The following IL4R variants were observed in gnomAD, a reference collection of about 807,000 sequenced individuals.
IL4R encodes the protein interleukin 4 receptor.
Under a neutral mutation model 41.5 loss-of-function variants are expected in IL4R, and 17 were observed. That is an observed-to-expected ratio of 0.41 (90% CI 0.28 to 0.61). The LOEUF (loss-of-function observed/expected upper bound fraction) is 0.61, where lower values mean the gene tolerates loss of function less well. Ranked by LOEUF, IL4R falls within the 20% of genes least tolerant of loss-of-function variation. The pLI is 0.31. For synonymous variants in IL4R, 402 were observed against 422.9 expected (o/e 0.95, Z 0.61); for missense variants, 974 against 1,043.1 (o/e 0.93, Z 0.91).
At position 27,346,475 on chromosome 16, in the gene IL4R, A is replaced by G. The variant is rs1298315319; in HGVS notation, c.370A>G (p.Arg124Gly). The change falls in exon 6 of 11, where the codon AGG (arginine) becomes GGG (glycine). Residue 124 changes from arginine (R) to glycine (G), a missense_variant. By Grantham distance (125) the Arg-to-Gly change is moderately radical (BLOSUM62 -2). This residue lies in a region of IL4R where 284 missense variants were observed against 313.4 expected (regional missense o/e 0.91). Transcript: ENST00000395762. ...GGCCGCTTCTCCCGCAGTGAAACCC[A>G]GGGCCCCAGGAAACCTGACAGTTCA... ...SFKPSEHVKP[R>G]APGNLTVHTN... The G allele has an allele frequency of 3.1e-6, 5 of 1,614,126 alleles. No homozygotes were observed. In the African/African-American group the frequency reaches 5.3e-5, roughly 17 times the overall value.
upstream of IL4R, chr16:27,313,838 G>C (rs2084540210): frequency 1.2e-6 from 1 of 845,872 alleles, no homozygotes; most frequent in Non-Finnish European, 1.4e-6. Context: ...CCCGGGCCGG[G>C]CGCGCCGGGC....
At position 27,363,407 on chromosome 16, in the gene IL4R, G is replaced by T; in HGVS notation, c.2055G>T (p.Lys685Asn). Residue 685 changes from lysine (K) to asparagine (N), a missense_variant, in exon 11 of 11, where the codon AAG (lysine) becomes AAT (asparagine). Physicochemically the swap from Lys to Asn is moderately conservative, Grantham distance 94 (BLOSUM62 0). Coordinates refer to ENST00000395762, the MANE Select transcript of IL4R (RefSeq NM_000418.4). ...PEHLGLEPGE[K>N]VEDMPKPPLP... Reference sequence around the variant, plus strand: ...ACCTGGGTCTGGAGCCGGGGGAAAAGGTAGAGGACATGCCAAAGCCCCCAC... The same window carrying T: ...ACCTGGGTCTGGAGCCGGGGGAAAATGTAGAGGACATGCCAAAGCCCCCAC... The T allele has an allele frequency of 6.2e-7, 1 of 1,614,158 alleles. No homozygotes were observed. Among genetic ancestry groups the T allele is most frequent in the Non-Finnish European group, 8.5e-7 (1 of 1,180,022 alleles).
At chr16:27,316,859 A>G (rs556480477) in intron 1 of IL4R, among the ~76,000 whole-genome samples, 1 of 152,288 alleles carries the variant, frequency 6.6e-6, no homozygotes, top group South Asian at 2.1e-4. Flanking sequence ...AGCATACAAA[A>G]CAGTACCTGG....
chr16:27,339,264 G>A (rs548507850), intron 2 of IL4R, among the ~76,000 whole-genome samples: 40 of 152,220 alleles, frequency 2.6e-4, no homozygotes, highest in Admixed American at 1.6e-3. Context: ...CCACCTTCCC[G>A]AGTAGCTGGG....
At chr16:27,346,795 C>T (rs1372558095) in intron 6 of IL4R, among the ~76,000 whole-genome samples, 177 bp downstream of exon 6, 1 of 152,174 alleles carries the variant, frequency 6.6e-6, no homozygotes, top group Non-Finnish European at 1.5e-5. Flanking sequence ...AGTCCCTTTG[C>T]TTCCTGGCCC....
intron 6 of IL4R, 75 bp downstream of exon 6, chr16:27,346,693 T>G: frequency 6.6e-7 from 1 of 1,516,062 alleles, no homozygotes; most frequent in Non-Finnish European, 9.1e-7. Context: ...GCCCAGTCCC[T>G]GGAGCCAGGA....
Position 27,352,422 on chromosome 16 carries a change from A to G in IL4R, c.514-118A>G, listed in dbSNP as rs376534983. 3.5e-5 allele frequency: 28 copies of G among 793,138 alleles called. 1 individual carries two copies. The highest frequency in any genetic ancestry group is 2.2e-4 in the African/African-American group (13 of 58,572). 49.1% of individuals were successfully genotyped at this position (793,138 alleles called of 1,614,324 possible). A position where few individuals can be genotyped will look rare whatever the true frequency, so the allele number is the denominator to read the frequency against. On this transcript the variant is annotated intron_variant, in intron 6 of 10. Transcript: ENST00000395762. ...AATGGCCTGAACAGGACGAACAACC[A>G]AATACCCAGGCTGGTGGCTCTTAAA...
At chr16:27,346,264 T>G (rs1260995074) in intron 5 of IL4R, among the ~76,000 whole-genome samples, 1 of 152,150 alleles carries the variant, frequency 6.6e-6, no homozygotes, top group East Asian at 1.9e-4. Flanking sequence ...AACACTAAAG[T>G]TCTATGTAGA....
intron 3 of IL4R, 93 bp from the exon 4 acceptor site, chr16:27,342,028 C>T (rs2085457416): frequency 9.0e-6 from 13 of 1,451,118 alleles, no homozygotes; most frequent in Non-Finnish European, 1.2e-5. Flanking sequence ...CTGCACTGTG[C>T]TTTTGTGCTA....
chr16:27,341,731 C>T (rs1018874213), intron 3 of IL4R, among the ~76,000 whole-genome samples: 13 of 152,256 alleles, frequency 8.5e-5, no homozygotes, highest in South Asian at 2.1e-4. Flanking sequence ...CAAAGAGGGG[C>T]GCAGATAGTG....
intron 8 of IL4R, among the ~76,000 whole-genome samples, chr16:27,357,227 C>T (rs560738444): frequency 2.1e-4 from 32 of 152,266 alleles, no homozygotes; most frequent in African/African-American, 7.7e-4. Context: ...TCCCACTCCC[C>T]ATCACTATAT....
At chr16:27,347,802 G>C (rs1358397329) in intron 6 of IL4R, among the ~76,000 whole-genome samples, 1 of 152,222 alleles carries the variant, frequency 6.6e-6, no homozygotes, top group Non-Finnish European at 1.5e-5. Context: ...TAACCTCTTT[G>C]TGCCTCAGTT....
In IL4R at chr16:27,344,783, C is replaced by T. The variant is rs567712475; in HGVS notation, c.210-86C>T. 2.4e-4 allele frequency: 315 copies of T among 1,315,750 alleles called. 4 individuals are homozygous for T. The highest frequency in any genetic ancestry group is 1.8e-3 in the South Asian group (138 of 77,192). 81.5% of individuals were successfully genotyped at this position (1,315,750 alleles called of 1,614,324 possible). A position where few individuals can be genotyped will look rare whatever the true frequency, so the allele number is the denominator to read the frequency against. ...ATCGGGAAGCTGGAAGAGTCTGATG[C>T]GGTTCCTGGAGGCATGTCCCGGACA... On this transcript the variant is annotated intron_variant, in intron 4 of 10. Coordinates refer to ENST00000395762, the MANE Select transcript of IL4R (RefSeq NM_000418.4).
chr16:27,343,171 A>T (rs2085499400), intron 4 of IL4R, among the ~76,000 whole-genome samples: 1 of 152,208 alleles, frequency 6.6e-6, no homozygotes, highest in African/African-American at 2.4e-5. Flanking sequence ...ACACACAGTT[A>T]CGGGGCAGAC....
At position 27,364,069 on chromosome 16, in the gene IL4R, G is replaced by A. The variant is rs779420729; in HGVS notation, c.*239G>A. The A allele has an allele frequency of 2.6e-5, 13 of 499,554 alleles. No individual in the cohort carries two copies. Among genetic ancestry groups the A allele is most frequent in the African/African-American group, 7.8e-5 (4 of 51,554 alleles). 30.9% of individuals were successfully genotyped at this position (499,554 alleles called of 1,614,324 possible). On this transcript the variant is annotated 3_prime_UTR_variant, in exon 11 of 11. Transcript: ENST00000395762. ...TGAGAGTAGAGGGCACTGGGTCGCC[G>A]TGCCCCACGGCAGGCCCCTGCAGGA...
At chr16:27,326,186 T>A (rs1471138860) in intron 1 of IL4R, among the ~76,000 whole-genome samples, 2 of 152,144 alleles carry the variant, frequency 1.3e-5, no homozygotes, top group African/African-American at 4.8e-5. Context: ...AGGTCTTTTT[T>A]AAAGTCTCAT....
At chr16:27,321,648 C>T (rs1378668363) in intron 1 of IL4R, among the ~76,000 whole-genome samples, 1 of 152,202 alleles carries the variant, frequency 6.6e-6, no homozygotes, top group Non-Finnish European at 1.5e-5. Context: ...GAGTCCTTGT[C>T]TAAAGCTAAG....
chr16:27,353,444 CTTTA>C (rs1009308292), intron 7 of IL4R, among the ~76,000 whole-genome samples: 8 of 152,170 alleles, frequency 5.3e-5, no homozygotes, highest in African/African-American at 1.9e-4. Context: ...ATATGTGCTT[CTTTA>C]TTAAGATCTA....
rs56125462 is a variant in IL4R, at chr16:27,339,950, G to A, written c.-18-236G>A. The stretch of plus-strand genomic sequence containing the variant: ...TGGGCACCTGTAATCCCAGCTACTC[G>A]GGAGGCTGAGGCAGAAGAATCGCTT... On this transcript the variant is annotated intron_variant, in intron 2 of 10. Coordinates refer to ENST00000395762, the MANE Select transcript of IL4R (RefSeq NM_000418.4). 2.4e-3 allele frequency among the ~76,000 whole-genome samples: 360 copies of A among 152,238 alleles called. 1 individual carries two copies. Among genetic ancestry groups the A allele is most frequent in the Non-Finnish European group, 4.1e-3 (278 of 67,996 alleles).
Sources: allele counts gnomAD v4.1 joint callset (sites outside exome capture counted in the v4.1 genomes callset), GRCh38; gene constraint gnomAD v4.1.1; regional missense constraint gnomAD v4.1.1; transcripts MANE v1.5; gene names NCBI Gene and HGNC (gene_info 2026-07-23, HGNC 2026-07-21).